The following INTS2 variants were observed in gnomAD, a reference collection of about 807,000 sequenced individuals.
The protein encoded by INTS2 is integrator complex subunit 2, also known as KIAA1287.
Under a neutral mutation model 139.6 loss-of-function variants are expected in INTS2, and 57 were observed. That is an observed-to-expected ratio of 0.41 (90% CI 0.33 to 0.51). The LOEUF (loss-of-function observed/expected upper bound fraction) is 0.51. INTS2 is among the 20% of genes least tolerant of loss of function. INTS2 has a pLI of 0.28. For missense variants in INTS2, 1,196 were observed against 1,436.7 expected (o/e 0.83, Z 2.71); for synonymous variants, 473 against 493.4 (o/e 0.96, Z 0.55).
At chr17:61,922,785 G>A (rs1472951244) in intron 3 of INTS2, among the ~76,000 whole-genome samples, 1 of 151,854 alleles carries the variant, frequency 6.6e-6, no homozygotes, top group Non-Finnish European at 1.5e-5. Flanking sequence ...AAATTTAAAA[G>A]TATCAAAATA....
chr17:61,906,393 T>C (rs1049255795), intron 8 of INTS2, among the ~76,000 whole-genome samples: 1 of 152,148 alleles, frequency 6.6e-6, no homozygotes, highest in Admixed American at 6.5e-5. Flanking sequence ...ATGAATCAAA[T>C]AACAGGTGTG....
intron 18 of INTS2, 34 bp downstream of exon 18, chr17:61,877,853 T>C: frequency 1.3e-6 from 2 of 1,524,128 alleles, no homozygotes; most frequent in Non-Finnish European, 1.8e-6. Context: ...TGCTATATAA[T>C]TATCTATTAC....
rs1441413996 is a variant in INTS2, at chr17:61,875,042, A to G, written c.2457-4T>C. Reference sequence around the variant, plus strand: ...ATTAACCGTCATTACCCATAGCCTGATAAGAAAATAATCACATGTTCAAAA... The same window carrying G: ...ATTAACCGTCATTACCCATAGCCTGGTAAGAAAATAATCACATGTTCAAAA... On this transcript the variant is annotated splice_polypyrimidine_tract_variant and splice_region_variant and intron_variant, in intron 18 of 24. Coordinates refer to ENST00000251334, the MANE Select transcript of INTS2 (RefSeq NM_001351695.2). The surrounding 1 kb of genome is among the most constrained non-coding windows in gnomAD (Gnocchi z 4.6). 6.3e-7 allele frequency: 1 copy of G among 1,575,038 alleles called. No individual in the cohort carries two copies.
Position 61,893,728 on chromosome 17 carries a change from G to A in INTS2, c.1698+37C>T. On this transcript the variant is annotated intron_variant, in intron 13 of 24. Coordinates refer to ENST00000251334, the MANE Select transcript of INTS2 (RefSeq NM_001351695.2). This position sits in a 1 kb window ranked among gnomAD's most constrained non-coding sequence, Gnocchi z 5.4. Reference sequence around the variant, plus strand: ...AAAAATATATATATAAAAATGTAGGGGCATGCTTTTATTTTGTTTTATTTG... The same window carrying A: ...AAAAATATATATATAAAAATGTAGGAGCATGCTTTTATTTTGTTTTATTTG... 1 of 1,443,396 alleles carries A rather than the reference G, an allele frequency of 6.9e-7. No homozygotes were observed. Among genetic ancestry groups the A allele is most frequent in the Non-Finnish European group, 9.2e-7 (1 of 1,086,852 alleles). The allele number at this position is 1,443,396 out of a possible 1,614,324, so 89.4% of individuals were successfully genotyped here.
At chr17:61,900,654 C>A (rs1339213928) in intron 9 of INTS2, among the ~76,000 whole-genome samples, 1 of 152,056 alleles carries the variant, frequency 6.6e-6, no homozygotes, top group Non-Finnish European at 1.5e-5. Context: ...TTTTCATTTC[C>A]TAGTCTTAAA....
At chr17:61,913,032 C>T (rs975672912) in intron 5 of INTS2, among the ~76,000 whole-genome samples, 5 of 151,968 alleles carry the variant, frequency 3.3e-5, no homozygotes, top group African/African-American at 1.2e-4. Context: ...GCCGAGATCA[C>T]ACCACTGCAC....
chr17:61,918,124 C>T (rs952680241), intron 5 of INTS2, among the ~76,000 whole-genome samples: 7 of 152,238 alleles, frequency 4.6e-5, no homozygotes, highest in South Asian at 2.1e-4. Context: ...GACAAAAAAT[C>T]GGCAAGGACA....
Position 61,869,436 on chromosome 17 carries a change from G to A in INTS2, c.3031-56C>T, listed in dbSNP as rs2079071711. On this transcript the variant is annotated intron_variant, in intron 21 of 24. Transcript: ENST00000251334. This position sits in a 1 kb window ranked among gnomAD's most constrained non-coding sequence, Gnocchi z 5.4. ...GAAATAAAATAACTATAAAAGTACA[G>A]ATAAAAATACAAATGAAAGATTTCA... The A allele has an allele frequency of 5.8e-6, 7 of 1,204,136 alleles. No individual in the cohort carries two copies. The highest frequency in any genetic ancestry group is 8.3e-6 in the Non-Finnish European group (7 of 843,064). 74.6% of individuals were successfully genotyped at this position (1,204,136 alleles called of 1,614,324 possible).
rs151213845 is a variant in INTS2 at position 61,873,014 on chromosome 17, T to C, written c.2583-554A>G. On this transcript the variant is annotated intron_variant, in intron 19 of 24. Transcript: ENST00000251334. The surrounding 1 kb of genome is among the most constrained non-coding windows in gnomAD (Gnocchi z 4.0). ...TGTAAACCAGTTCAGCCTTTCTACA[T>C]AGTAGAATGAAAATCTGAATTAAAA... Among the ~76,000 whole-genome samples the C allele has an allele frequency of 3.0e-3, 451 of 152,266 alleles. 1 individual carries two copies. The highest frequency in any genetic ancestry group is 0.01 in the African/African-American group (427 of 41,550).
At position 61,868,585 on chromosome 17, in the gene INTS2, A is replaced by C. The variant is rs2079064602; in HGVS notation, c.3244+449T>G. ...TATTCTACAAACCAGAAGGTGGTTA[A>C]AATATCAGAATATGTTTTAGAACTT... On this transcript the variant is annotated intron_variant, in intron 23 of 24. Coordinates refer to ENST00000251334, the MANE Select transcript of INTS2 (RefSeq NM_001351695.2). The surrounding 1 kb of genome is among the most constrained non-coding windows in gnomAD (Gnocchi z 4.7). Among the ~76,000 whole-genome samples, 1 of 152,156 alleles carries C rather than the reference A, an allele frequency of 6.6e-6. No homozygotes were observed. Among genetic ancestry groups the C allele is most frequent in the African/African-American group, 2.4e-5 (1 of 41,448 alleles).
chr17:61,920,200 C>CTTT (rs2079625072), intron 4 of INTS2, among the ~76,000 whole-genome samples: 5 of 81,468 alleles, frequency 6.1e-5, no homozygotes, highest in African/African-American at 2.5e-4. Flanking sequence ...TTTTTTTTTG[C>CTTT]GACGAAGTCT....
intron 9 of INTS2, among the ~76,000 whole-genome samples, chr17:61,901,630 C>T (rs2079407505): frequency 7.9e-6 from 1 of 126,626 alleles, no homozygotes; most frequent in African/African-American, 3.1e-5. Flanking sequence ...GATGCAGTCC[C>T]GCTCTGTAGC....
Position 61,884,956 on chromosome 17 carries a change from C to T in INTS2, c.2034G>A (p.Gln678=), listed in dbSNP as rs539185431. The change falls in exon 16 of 25, where the codon CAG becomes CAA. Residue 678 remains glutamine, a synonymous_variant. Coordinates refer to ENST00000251334, the MANE Select transcript of INTS2 (RefSeq NM_001351695.2). ...GTCGAATAAGGAATTTGATAGGAAT[C>T]TGATCCATTAAAGAAGAAGAATATG... ...PKSYSSSLMD[Q]IPIKFLIRQA... 6.8e-5 allele frequency: 109 copies of T among 1,608,900 alleles called. 1 individual carries two copies. In the South Asian group the frequency reaches 1.1e-3, roughly 17 times the overall value.
intron 12 of INTS2, among the ~76,000 whole-genome samples, chr17:61,894,881 T>C (rs991763672): frequency 1.3e-5 from 2 of 151,916 alleles, no homozygotes; most frequent in Admixed American, 6.6e-5. Context: ...TGCTTATCCA[T>C]GGACAAAAGT....
At chr17:61,903,174 G>GA (rs551514700) in intron 9 of INTS2, among the ~76,000 whole-genome samples, 1,315 of 59,928 alleles carry the variant, frequency 0.022, 20 homozygotes, top group African/African-American at 0.071. Flanking sequence ...CTCAAAAAAG[G>GA]AAAAAAAAAA....
At chr17:61,892,013 G>A (rs1468910656) in intron 13 of INTS2, among the ~76,000 whole-genome samples, 1 of 152,090 alleles carries the variant, frequency 6.6e-6, no homozygotes, top group Non-Finnish European at 1.5e-5. Flanking sequence ...TCATGGGAGA[G>A]CTCACGTTAG....
At chr17:61,889,644 C>T (rs1347799185) in intron 15 of INTS2, 142 bp downstream of exon 15, 3 of 541,694 alleles carry the variant, frequency 5.5e-6, no homozygotes, top group South Asian at 4.3e-5. Flanking sequence ...ATCAAGTATA[C>T]AATGCCCACA....
chr17:61,880,602 ATCAGCCAGGCCTGGTGG>A (rs2079168987), intron 17 of INTS2, among the ~76,000 whole-genome samples: 1 of 151,964 alleles, frequency 6.6e-6, no homozygotes, highest in African/African-American at 2.4e-5. Flanking sequence ...AACTAAAAAA[ATCAGCCAGGCCTGGTGG>A]CTCACACCTG....
intron 14 of INTS2, among the ~76,000 whole-genome samples, chr17:61,890,588 C>A (rs1305287864): frequency 1.4e-5 from 2 of 140,358 alleles, no homozygotes; most frequent in African/African-American, 5.3e-5. Flanking sequence ...CCGGTCGGGG[C>A]AACAGAGTGA....
Sources: gnomAD v4.1 joint callset for allele counts (sites outside exome capture counted in the v4.1 genomes callset) on GRCh38, gnomAD v4.1.1 for gene constraint, Gnocchi (gnomAD v3.1) non-coding constraint, MANE v1.5 for transcripts, NCBI Gene and HGNC (gene_info 2026-07-23, HGNC 2026-07-21) for gene names.